The following SLC26A7 variants were observed in gnomAD, a reference collection of about 807,000 sequenced individuals.
The protein encoded by SLC26A7 is anion exchange transporter.
A neutral mutation model predicts 82.5 loss-of-function variants in SLC26A7; 59 were observed. The ratio of observed to expected loss-of-function variants is 0.72; its 90% CI spans 0.58 to 0.89. The LOEUF is 0.89. SLC26A7 is among the 40% of genes least tolerant of loss of function. The probability of loss-of-function intolerance (pLI) is 0.00; values close to 1 mark genes in which losing one functional copy is unlikely to be tolerated. For synonymous variants in SLC26A7, 271 were observed against 274.3 expected, an observed-to-expected ratio of 0.99 and a Z score of 0.12; for missense variants, 820 against 793.0, an observed-to-expected ratio of 1.03 and a Z score of -0.41.
At chr8:91,291,014 C>A (rs1158942601) in intron 3 of SLC26A7, among the ~76,000 whole-genome samples, 2 of 151,942 alleles carry the variant, frequency 1.3e-5, no homozygotes, top group African/African-American at 4.8e-5. Flanking sequence ...CATAAGATCT[C>A]TGTTTTTATT....
At chr8:91,361,942 C>G (rs1471010975) in intron 11 of SLC26A7, among the ~76,000 whole-genome samples, 2 of 152,002 alleles carry the variant, frequency 1.3e-5, no homozygotes, top group African/African-American at 4.8e-5. Context: ...TTATAGCAGT[C>G]CTAGAAGACA....
intron 4 of SLC26A7, among the ~76,000 whole-genome samples, chr8:91,313,784 A>G (rs1812553395): frequency 6.6e-6 from 1 of 152,208 alleles, no homozygotes; most frequent in South Asian, 2.1e-4. Context: ...ATAAATATTA[A>G]TTGAATGGAA....
intron 16 of SLC26A7, 92 bp from the exon 17 acceptor site, chr8:91,393,705 T>C: frequency 7.2e-7 from 1 of 1,382,660 alleles, no homozygotes; most frequent in South Asian, 1.2e-5. Context: ...ACATCGGCTT[T>C]AAAGAAAGTT....
chr8:91,227,177 T>C (rs1163926475), intron 2 of SLC26A7, among the ~76,000 whole-genome samples: 2 of 152,220 alleles, frequency 1.3e-5, no homozygotes, highest in African/African-American at 4.8e-5. Flanking sequence ...CTGCAAAATA[T>C]TTTCTAACAA....
chr8:91,295,067 G>A (rs2130775519), intron 3 of SLC26A7, among the ~76,000 whole-genome samples: 1 of 152,120 alleles, frequency 6.6e-6, no homozygotes, highest in Admixed American at 6.5e-5. Context: ...AATTTACTGA[G>A]GTCTTCATAC....
intron 14 of SLC26A7, among the ~76,000 whole-genome samples, chr8:91,368,905 T>C (rs904929224): frequency 3.3e-5 from 5 of 152,164 alleles, no homozygotes; most frequent in African/African-American, 9.7e-5. Flanking sequence ...AGATGGAAAT[T>C]GTATAGCTGA....
rs2130808275 is a variant in SLC26A7, at chr8:91,318,170, G to A, written c.478-46G>A. On this transcript the variant is annotated intron_variant, in intron 4 of 18. Coordinates refer to ENST00000276609, the MANE Select transcript of SLC26A7 (RefSeq NM_052832.4). ...AATATTAAGCCCTCTGGGAACTTTG[G>A]GGAGTTTCATCTGAAGTTCATCTCA... 2.6e-6 allele frequency: 4 copies of A among 1,535,784 alleles called. No individual in the cohort carries two copies. In the East Asian group the frequency reaches 6.9e-5, roughly 27 times the overall value.
At chr8:91,268,986 A>T (rs141927659) in intron 2 of SLC26A7, among the ~76,000 whole-genome samples, 38 of 151,846 alleles carry the variant, frequency 2.5e-4, no homozygotes. Flanking sequence ...TTTTATACCA[A>T]TTCCTCCCAT....
At chr8:91,219,329 GA>G (rs1810119903) in intron 2 of SLC26A7, 2 of 179,238 alleles carry the variant, frequency 1.1e-5, no homozygotes, top group African/African-American at 4.7e-5. Context: ...CTTTGACGGG[GA>G]AAAGTATTTA....
At chr8:91,302,803 G>A (rs1812203061) in intron 4 of SLC26A7, among the ~76,000 whole-genome samples, 1 of 140,194 alleles carries the variant, frequency 7.1e-6, no homozygotes, top group South Asian at 2.3e-4. Context: ...TGAATGTAAT[G>A]TCCCTTCCCC....
chr8:91,228,583 G>A (rs1563635334), intron 2 of SLC26A7, among the ~76,000 whole-genome samples: 1 of 152,196 alleles, frequency 6.6e-6, no homozygotes, highest in Admixed American at 6.5e-5. Context: ...TTTATGGGAA[G>A]TTACTGGCTT....
At chr8:91,288,900 A>C (rs554594037) in intron 2 of SLC26A7, among the ~76,000 whole-genome samples, 1 of 152,208 alleles carries the variant, frequency 6.6e-6, no homozygotes, top group African/African-American at 2.4e-5. Context: ...TTTTGTAGAC[A>C]TCTCTGCAAT....
intron 5 of SLC26A7, among the ~76,000 whole-genome samples, chr8:91,321,048 T>A (rs2130812024): frequency 6.6e-6 from 1 of 152,330 alleles, no homozygotes; most frequent in South Asian, 2.1e-4. Flanking sequence ...TAGGTTGAGT[T>A]CTGTAGACTG....
intron 2 of SLC26A7, among the ~76,000 whole-genome samples, chr8:91,242,646 G>A (rs1810490217): frequency 6.6e-6 from 1 of 152,168 alleles, no homozygotes; most frequent in Admixed American, 6.5e-5. Context: ...TCTCTGCCAT[G>A]TGAGAATGCA....
intron 1 of SLC26A7, among the ~76,000 whole-genome samples, chr8:91,213,310 T>C (rs1056515122): frequency 6.6e-6 from 1 of 152,148 alleles, no homozygotes; most frequent in African/African-American, 2.4e-5. Context: ...TAAGCCAAGA[T>C]GCTTTTGAGA....
At chr8:91,239,698 C>T (rs1191786637) in intron 2 of SLC26A7, among the ~76,000 whole-genome samples, 1 of 152,026 alleles carries the variant, frequency 6.6e-6, no homozygotes, top group African/African-American at 2.4e-5. Context: ...CTCTGCATTT[C>T]AGTATTTCAA....
intron 2 of SLC26A7, among the ~76,000 whole-genome samples, chr8:91,260,709 A>G (rs1810938724): frequency 6.6e-6 from 1 of 151,938 alleles, no homozygotes; most frequent in Non-Finnish European, 1.5e-5. Flanking sequence ...CTATTATTTA[A>G]GCTCTTAGGT....
intron 2 of SLC26A7, among the ~76,000 whole-genome samples, chr8:91,274,312 T>C (rs1811348376): frequency 6.6e-6 from 1 of 152,242 alleles, no homozygotes; most frequent in Non-Finnish European, 1.5e-5. Context: ...TGTGCTGCTA[T>C]AATAAAATGC....
chr8:91,289,106 T>C lies in SLC26A7; in HGVS notation c.194-30T>C, dbSNP rs762100649. On this transcript the variant is annotated intron_variant, in intron 2 of 18. Coordinates refer to ENST00000276609, the MANE Select transcript of SLC26A7 (RefSeq NM_052832.4). Reference sequence around the variant, plus strand: ...CAGACTGTGTCTTGGGGTTATAAGGTGGTTTTAATTACCCTAGTCTTCTTC... The same window carrying C: ...CAGACTGTGTCTTGGGGTTATAAGGCGGTTTTAATTACCCTAGTCTTCTTC... The C allele has an allele frequency of 2.1e-6, 3 of 1,408,436 alleles. No homozygotes were observed. In the South Asian group the frequency reaches 3.5e-5, roughly 16 times the overall value. The allele number at this position is 1,408,436 out of a possible 1,614,324, so 87.2% of individuals were successfully genotyped here.
Sources: allele counts gnomAD v4.1 joint callset (sites outside exome capture counted in the v4.1 genomes callset), GRCh38; gene constraint gnomAD v4.1.1; transcripts MANE v1.5; gene names NCBI Gene and HGNC (gene_info 2026-07-23, HGNC 2026-07-21).